The following KDM4C variants were observed in gnomAD, a reference collection of about 807,000 sequenced individuals.
KDM4C encodes lysine-specific demethylase 4C.
A neutral mutation model predicts 129.3 loss-of-function variants in KDM4C; 81 were observed. The ratio of observed to expected loss-of-function variants is 0.63; its 90% CI spans 0.52 to 0.75. KDM4C has a LOEUF of 0.75. KDM4C is among the 30% of genes least tolerant of loss of function. The pLI is 0.00. For missense variants in KDM4C, 1,457 were observed against 1,304.0 expected, an observed-to-expected ratio of 1.12 and a Z score of -1.81; for synonymous variants, 573 against 456.1, an observed-to-expected ratio of 1.26 and a Z score of -3.26.
At chr9:7,050,166 T>A (rs1829943610) in intron 17 of KDM4C, among the ~76,000 whole-genome samples, 1 of 151,968 alleles carries the variant, frequency 6.6e-6, no homozygotes, top group African/African-American at 2.4e-5. Context: ...AAGTGAACAC[T>A]GTTATTTGCC....
intron 8 of KDM4C, among the ~76,000 whole-genome samples, chr9:6,957,328 A>G (rs775572507): frequency 4.0e-5 from 6 of 151,728 alleles, no homozygotes; most frequent in Non-Finnish European, 7.4e-5. Flanking sequence ...CCTACCATCT[A>G]TTTTCTTTAC....
chr9:7,070,528 G>A (rs1476470566), intron 17 of KDM4C, among the ~76,000 whole-genome samples: 1 of 151,976 alleles, frequency 6.6e-6, no homozygotes, highest in Non-Finnish European at 1.5e-5. Flanking sequence ...ACTTAATTGG[G>A]TTTATCCTGA....
intron 1 of KDM4C, among the ~76,000 whole-genome samples, chr9:6,761,955 C>A (rs778509489): frequency 6.6e-6 from 1 of 151,836 alleles, no homozygotes. Flanking sequence ...TACAGGCACG[C>A]CCAACTAATT....
rs1025623737 is a variant in KDM4C, at chr9:6,835,464, T to A, written c.436-14043T>A. ...TTGCTCCTCCTGAGCTCAAGCACTC[T>A]GTGTGGATTGGCGGCTCCATCCTGG... On this transcript the variant is annotated intron_variant, in intron 4 of 21. Transcript: ENST00000381309. 151 of 1,322,720 alleles carry A rather than the reference T, an allele frequency of 1.1e-4. No individual in the cohort carries two copies. In the Admixed American group the frequency reaches 1.5e-3, roughly 13 times the overall value. The allele number at this position is 1,322,720 out of a possible 1,614,324, so 81.9% of individuals were successfully genotyped here.
chr9:6,972,207 G>C (rs1168110437), intron 8 of KDM4C, among the ~76,000 whole-genome samples: 1 of 151,978 alleles, frequency 6.6e-6, no homozygotes, highest in Admixed American at 6.6e-5. Flanking sequence ...CATCTATTTA[G>C]GGGGGAGCCA....
chr9:6,904,251 A>G (rs1487419380), intron 8 of KDM4C, among the ~76,000 whole-genome samples: 1 of 152,140 alleles, frequency 6.6e-6, no homozygotes, highest in Non-Finnish European at 1.5e-5. Context: ...AAAAAAGAAA[A>G]AAAAATCTGT....
intron 10 of KDM4C, among the ~76,000 whole-genome samples, chr9:6,985,284 A>G (rs927815690): frequency 2.0e-5 from 3 of 152,262 alleles, no homozygotes; most frequent in African/African-American, 7.2e-5. Context: ...CACCTATAAT[A>G]AAAGAAAAAG....
At chr9:7,003,985 A>G (rs1455038128) in intron 12 of KDM4C, among the ~76,000 whole-genome samples, 1 of 152,170 alleles carries the variant, frequency 6.6e-6, no homozygotes, top group African/African-American at 2.4e-5. Context: ...TTGCTCAAGT[A>G]CCTGAAACGT....
At chr9:6,774,221 A>C (rs777437586) in intron 1 of KDM4C, among the ~76,000 whole-genome samples, 3 of 152,134 alleles carry the variant, frequency 2.0e-5, no homozygotes, top group Non-Finnish European at 2.9e-5. Context: ...AACAAAATAC[A>C]ATGAAAAAAC....
intron 5 of KDM4C, among the ~76,000 whole-genome samples, chr9:6,858,774 C>CA (rs941228339): frequency 1.3e-5 from 2 of 150,224 alleles, no homozygotes; most frequent in African/African-American, 4.9e-5. Context: ...TGTCTCCCCC[C>CA]CCGGCAAAAA....
At chr9:6,869,571 C>T (rs1278997190) in intron 5 of KDM4C, among the ~76,000 whole-genome samples, 5 of 152,222 alleles carry the variant, frequency 3.3e-5, no homozygotes, top group Admixed American at 3.3e-4. Context: ...GGAAGGTGAA[C>T]TCCAGCAGAG....
intron 18 of KDM4C, among the ~76,000 whole-genome samples, chr9:7,122,024 A>G (rs1390479688): frequency 1.3e-5 from 2 of 151,770 alleles, no homozygotes; most frequent in African/African-American, 2.4e-5. Context: ...TGGAGCACCT[A>G]TGTTGTGTTA....
chr9:7,051,365 G>A (rs1026632420), intron 17 of KDM4C, among the ~76,000 whole-genome samples: 1 of 152,158 alleles, frequency 6.6e-6, no homozygotes, highest in African/African-American at 2.4e-5. Context: ...CAGTGTCTGT[G>A]CCCCAGTCTT....
chr9:7,128,245 G>A lies in KDM4C; in HGVS notation c.2781+9G>A, dbSNP rs1360220458. 2.6e-6 allele frequency: 4 copies of A among 1,555,152 alleles called. No homozygotes were observed. Among genetic ancestry groups the A allele is most frequent in the South Asian group, 2.4e-5 (2 of 82,320 alleles). ...TTCCTGAGGATATCGTGGTAAGTAGGCTTCCTTGAGTGCCTGCTACCCAGA... is the reference window on the plus strand; with the variant it reads ...TTCCTGAGGATATCGTGGTAAGTAGACTTCCTTGAGTGCCTGCTACCCAGA... On this transcript the variant is annotated intron_variant, in intron 19 of 21. Coordinates refer to ENST00000381309, the MANE Select transcript of KDM4C (RefSeq NM_015061.6).
intron 2 of KDM4C, among the ~76,000 whole-genome samples, chr9:6,801,618 G>GCTCTCTCTCTCTCT (rs147393202): frequency 6.9e-6 from 1 of 145,512 alleles, no homozygotes; most frequent in African/African-American, 2.5e-5. Flanking sequence ...GTGCAGATAT[G>GCTCTCTCTCTCTCT]CTCTCTCTCT....
intron 12 of KDM4C, among the ~76,000 whole-genome samples, chr9:7,010,226 A>C (rs2132126420): frequency 6.6e-6 from 1 of 152,310 alleles, no homozygotes; most frequent in South Asian, 2.1e-4. Flanking sequence ...ACTTCATTGC[A>C]AATATAGGCA....
intron 8 of KDM4C, among the ~76,000 whole-genome samples, chr9:6,907,767 A>G (rs1479224135): frequency 6.6e-6 from 1 of 152,252 alleles, no homozygotes; most frequent in Non-Finnish European, 1.5e-5. Flanking sequence ...AACTATATTC[A>G]GATAAAATGG....
At chr9:6,871,832 A>G (rs1055573132) in intron 5 of KDM4C, among the ~76,000 whole-genome samples, 3 of 152,172 alleles carry the variant, frequency 2.0e-5, no homozygotes, top group Non-Finnish European at 4.4e-5. Context: ...GGCTTTTTCT[A>G]CCTCATAGAA....
intron 15 of KDM4C, among the ~76,000 whole-genome samples, chr9:7,028,302 A>G (rs1203602513): frequency 6.6e-6 from 1 of 151,826 alleles, no homozygotes; most frequent in Non-Finnish European, 1.5e-5. Flanking sequence ...TAGTCAGCAG[A>G]TGATGGGTCT....
Sources: allele counts gnomAD v4.1 joint callset (sites outside exome capture counted in the v4.1 genomes callset), GRCh38; gene constraint gnomAD v4.1.1; transcripts MANE v1.5; gene names NCBI Gene and HGNC (gene_info 2026-07-23, HGNC 2026-07-21).